Variants in MBD6 observed in about 807,000 individuals in gnomAD.
MBD6 encodes the protein methyl-CpG-binding domain protein 6.
Under a neutral mutation model 66.8 loss-of-function variants are expected in MBD6, and 22 were observed. The observed-to-expected ratio is 0.33, with a 90% CI of 0.24 to 0.47. MBD6 has a LOEUF of 0.47. Ranked by LOEUF, MBD6 falls within the 20% of genes least tolerant of loss-of-function variation. MBD6 has a pLI of 1.00. For synonymous variants in MBD6, 540 were observed against 534.6 expected (o/e 1.01, Z -0.14); for missense variants, 1,322 against 1,286.9 (o/e 1.03, Z -0.42).
At chr12:57,526,543 T>C in intron 6 of MBD6, 23 bp from the exon 7 acceptor site, 1 of 1,511,766 alleles carries the variant, frequency 6.6e-7, no homozygotes, top group Non-Finnish European at 8.8e-7. Context: ...TCCCTTGAGC[T>C]GAATTTCTCT....
At chr12:57,528,044 G>C (rs1476649055) in intron 9 of MBD6, 27 bp downstream of exon 9, 1 of 1,529,254 alleles carries the variant, frequency 6.5e-7, no homozygotes, top group Non-Finnish European at 8.8e-7. Flanking sequence ...ATATTTGTCA[G>C]GGAGATAATT....
chr12:57,521,695 C>G (rs145838258), upstream of MBD6: 1 of 152,270 alleles, frequency 6.6e-6, no homozygotes, highest in Non-Finnish European at 1.5e-5. Context: ...TTTTCCCCCA[C>G]GGTACTCCTA....
rs1318656029 is a variant in MBD6 at position 57,526,768 on chromosome 12, G to C, written c.1623G>C (p.Leu541Phe). The C allele has an allele frequency of 6.3e-7, 1 of 1,593,836 alleles. No individual in the cohort carries two copies. The highest frequency in any genetic ancestry group is 2.2e-5 in the East Asian group (1 of 44,586). The change falls in exon 7 of 13, where the codon TTG (leucine) becomes TTC (phenylalanine). Residue 541 changes from leucine to phenylalanine, a missense_variant. Coordinates refer to ENST00000355673, the MANE Select transcript of MBD6 (RefSeq NM_052897.4). ...GCTTCCCTGGGATGCTTGGGGCCTT[G>C]CCTCTCCCTCTGAGTCTGGGGCAGC... ...GAGFPGMLGALPLPLSLGQPP... is the reference protein window; with the variant it reads ...GAGFPGMLGAFPLPLSLGQPP...
At chr12:57,530,775 C>A (rs764561977), downstream of MBD6, 1 of 1,613,088 alleles carries the variant, frequency 6.2e-7, no homozygotes, top group East Asian at 2.2e-5. Flanking sequence ...GTTGTCTGCA[C>A]CTACAAAGTG....
downstream of MBD6, chr12:57,530,888 G>T: frequency 1.1e-6 from 1 of 923,288 alleles, no homozygotes; most frequent in Non-Finnish European, 1.7e-6. Context: ...CAATTTGTGG[G>T]CCACAGAGGG....
At position 57,527,140 on chromosome 12, in the gene MBD6, C is replaced by G. The variant is rs1879045175; in HGVS notation, c.1995C>G (p.Pro665=). ...GLGDLSPLLF[P]PLSAPPTLIA... ...GAGACCTGTCCCCCCTACTTTTCCC[C>G]CCACTTTCAGCCCCCCCTACCCTCA... The change falls in exon 7 of 13, where the codon CCC becomes CCG. Residue 665 remains proline (P), a synonymous_variant. Coordinates refer to ENST00000355673, the MANE Select transcript of MBD6 (RefSeq NM_052897.4). The G allele has an allele frequency of 6.6e-7, 1 of 1,515,310 alleles. No homozygotes were observed. The highest frequency in any genetic ancestry group is 1.9e-5 in the Admixed American group (1 of 52,134). 93.9% of individuals were successfully genotyped at this position (1,515,310 alleles called of 1,614,324 possible).
intron 1 of MBD6, among the ~76,000 whole-genome samples, chr12:57,523,823 C>A (rs908767607): frequency 6.6e-6 from 1 of 152,178 alleles, no homozygotes; most frequent in Non-Finnish European, 1.5e-5. Flanking sequence ...CTTTCTTGGT[C>A]CCAGGGAGCT....
At chr12:57,524,130 C>T in intron 2 of MBD6, 38 bp downstream of exon 2, 1 of 460,270 alleles carries the variant, frequency 2.2e-6, no homozygotes, top group Non-Finnish European at 3.8e-6. Flanking sequence ...CCTCAGTCTC[C>T]CTCCCAGCTG....
rs1041934259 is a variant in MBD6 at position 57,525,978 on chromosome 12, C to G, written c.1010C>G (p.Pro337Arg). 1.2e-6 allele frequency: 2 copies of G among 1,613,674 alleles called. No individual in the cohort carries two copies. The highest frequency in any genetic ancestry group is 1.3e-5 in the African/African-American group (1 of 74,900). ...AAKAQHPPLP[P>R]PSTLQGRRPR... ...AAGGCACAGCATCCCCCACTACCCC[C>G]TCCCAGCACTTTACAGGGCCGAAGG... is the stretch of plus-strand genomic sequence containing the variant. The change falls in exon 6 of 13, where the codon CCT becomes CGT. Residue 337 changes from proline to arginine, a missense_variant. By Grantham distance (103) the Pro-to-Arg change is moderately radical. Transcript: ENST00000355673.
Position 57,525,543 on chromosome 12 carries a change from C to T in MBD6, c.575C>T (p.Pro192Leu). 1.2e-6 allele frequency: 2 copies of T among 1,604,032 alleles called. No individual in the cohort carries two copies. The highest frequency in any genetic ancestry group is 1.1e-5 in the South Asian group (1 of 89,586). The change falls in exon 6 of 13, where the codon CCA becomes CTA. Residue 192 changes from proline (P) to leucine (L), a missense_variant. Transcript: ENST00000355673. ...GGLFPPRLADPVPSGGSSSPR... is the reference protein window; with the variant it reads ...GGLFPPRLADLVPSGGSSSPR... ...CTTTTCCCCCCAAGGCTTGCTGACC[C>T]AGTCCCTTCTGGGGGCAGTAGCAGC...
Position 57,526,939 on chromosome 12 carries a change from G to C in MBD6, c.1794G>C (p.Leu598Phe), listed in dbSNP as rs1565666826. 2 of 1,613,470 alleles carry C rather than the reference G, an allele frequency of 1.2e-6. No homozygotes were observed. The highest frequency in any genetic ancestry group is 1.7e-6 in the Non-Finnish European group (2 of 1,179,930). ...APGEPEGPSL[L>F]VASLLPPPPS... ...GAGAGCCTGAAGGGCCTTCGCTTTTGGTGGCTTCCTTGCTTCCTCCACCAC... is the reference window on the plus strand; with the variant it reads ...GAGAGCCTGAAGGGCCTTCGCTTTTCGTGGCTTCCTTGCTTCCTCCACCAC... The change falls in exon 7 of 13, where the codon TTG becomes TTC. Residue 598 changes from leucine to phenylalanine, a missense_variant. By Grantham distance (22) the Leu-to-Phe change is conservative. Coordinates refer to ENST00000355673, the MANE Select transcript of MBD6 (RefSeq NM_052897.4).
In MBD6 at chr12:57,525,396, C is replaced by G; in HGVS notation, c.428C>G (p.Pro143Arg). ...TTCCACACTGTGTCCCCAGGGCCCC[C>G]CTCTGCCCGCCCTCCCTGTCGAGTT... ...QMFHTVSPGP[P>R]SARPPCRVPP... Residue 143 changes from proline (P) to arginine (R), a missense_variant, in exon 6 of 13, where the codon CCC becomes CGC. Transcript: ENST00000355673. 2 of 1,543,818 alleles carry G rather than the reference C, an allele frequency of 1.3e-6. No homozygotes were observed. Among genetic ancestry groups the G allele is most frequent in the South Asian group, 2.6e-5 (2 of 77,404 alleles).
rs771232661 is a variant in MBD6, at chr12:57,527,864, G to T, written c.2253G>T (p.Leu751=). ...GASLLGDLSS[L]TSSPGALPSL... is the part of the protein sequence containing the mutation. ...TCTCAACAGGTGACCTGTCTTCACT[G>T]ACCAGCAGCCCTGGAGCCCTCCCCA... The change falls in exon 9 of 13, where the codon CTG becomes CTT. Residue 751 remains leucine (L), a synonymous_variant. Transcript: ENST00000355673. 1.2e-6 allele frequency: 2 copies of T among 1,613,570 alleles called. No homozygotes were observed. The highest frequency in any genetic ancestry group is 4.5e-5 in the East Asian group (2 of 44,850).
chr12:57,524,921 C>T (rs1878753698), intron 4 of MBD6, 32 bp from the exon 5 acceptor site: 2 of 1,603,034 alleles, frequency 1.2e-6, no homozygotes, highest in Non-Finnish European at 1.7e-6. Context: ...TCCAGCCCCT[C>T]AGGGTCCCTG....
Position 57,529,332 on chromosome 12 carries a change from G to T in MBD6, c.*98G>T. 1.6e-6 allele frequency: 2 copies of T among 1,217,254 alleles called. No individual in the cohort carries two copies. The highest frequency in any genetic ancestry group is 2.5e-5 in the South Asian group (2 of 79,046). The allele number at this position is 1,217,254 out of a possible 1,614,324, so 75.4% of individuals were successfully genotyped here. ...CCACCTGCACCTGTGGACAGTGGGTGGGGGCACTACTCCCCACTCAGAGCA... is the reference window on the plus strand; with the variant it reads ...CCACCTGCACCTGTGGACAGTGGGTTGGGGCACTACTCCCCACTCAGAGCA... On this transcript the variant is annotated 3_prime_UTR_variant, in exon 13 of 13. Coordinates refer to ENST00000355673, the MANE Select transcript of MBD6 (RefSeq NM_052897.4).
intron 8 of MBD6, 88 bp downstream of exon 8, chr12:57,527,748 A>T: frequency 6.4e-7 from 1 of 1,553,906 alleles, no homozygotes. Context: ...ATTGGGGAAG[A>T]AAGTCTTTGG....
In MBD6 at chr12:57,528,036, A is replaced by G. The variant is rs1879159873; in HGVS notation, c.2406+19A>G. 1 of 1,528,982 alleles carries G rather than the reference A, an allele frequency of 6.5e-7. No individual in the cohort carries two copies. Among genetic ancestry groups the G allele is most frequent in the Non-Finnish European group, 8.8e-7 (1 of 1,141,632 alleles). The allele number at this position is 1,528,982 out of a possible 1,614,324, so 94.7% of individuals were successfully genotyped here. ...TCTCCAGGTGAGGGTGTGGGCATAT[A>G]TTTGTCAGGGAGATAATTTTTTCTC... On this transcript the variant is annotated intron_variant, in intron 9 of 12. Transcript: ENST00000355673.
At chr12:57,521,308 C>G (rs1245090777), upstream of MBD6, 1 of 152,228 alleles carries the variant, frequency 6.6e-6, no homozygotes, top group Non-Finnish European at 1.5e-5. Context: ...ACTAAAAATA[C>G]AAAAATTAGC....
At position 57,526,599 on chromosome 12, in the gene MBD6, CAGT is replaced by C; in HGVS notation, c.1458_1460del (p.Val487del). ...GCCCCACCAGCTGCCTCCAAAGCCC[CAGT>C]AGTCCCCAGCCCTGTGCTTCAAAGC... On this transcript the variant is annotated inframe_deletion, in exon 7 of 13. Coordinates refer to ENST00000355673, the MANE Select transcript of MBD6 (RefSeq NM_052897.4). The C allele has an allele frequency of 6.6e-7, 1 of 1,512,688 alleles. No homozygotes were observed. Among genetic ancestry groups the C allele is most frequent in the Non-Finnish European group, 8.8e-7 (1 of 1,131,806 alleles). The allele number at this position is 1,512,688 out of a possible 1,614,324, so 93.7% of individuals were successfully genotyped here.
Sources: allele counts gnomAD v4.1 joint callset (sites outside exome capture counted in the v4.1 genomes callset), GRCh38; gene constraint gnomAD v4.1.1; transcripts MANE v1.5; gene names NCBI Gene and HGNC (gene_info 2026-07-23, HGNC 2026-07-21).